EPHA4: variants seen among roughly 807,000 people sequenced by gnomAD.
EPHA4 encodes the protein EPH receptor A4.
EPHA4 carries 19 observed loss-of-function variants against 108.3 expected under a neutral mutation model. The ratio of observed to expected loss-of-function variants is 0.18; its 90% CI spans 0.12 to 0.26. The LOEUF is 0.26. Among genes scored for constraint, EPHA4 ranks in the 10% least tolerant of loss-of-function variants. EPHA4 has a pLI of 1.00. For synonymous variants in EPHA4, 449 were observed against 455.5 expected, an observed-to-expected ratio of 0.99 and a Z score of 0.18; for missense variants, 917 against 1,254.0, an observed-to-expected ratio of 0.73 and a Z score of 4.06.
chr2:221,496,642 T>G (rs1456496474), intron 4 of EPHA4, among the ~76,000 whole-genome samples: 1 of 152,224 alleles, frequency 6.6e-6, no homozygotes, highest in Non-Finnish European at 1.5e-5. Flanking sequence ...GTGTGGTGGC[T>G]CATGCCTGTA....
chr2:221,489,761 A>T (rs775449450), intron 4 of EPHA4, among the ~76,000 whole-genome samples: 3 of 152,196 alleles, frequency 2.0e-5, no homozygotes, highest in Non-Finnish European at 4.4e-5. Context: ...GACATCTGGT[A>T]GAAACTCAAT....
At chr2:221,574,130 G>C (rs1420705167), upstream of EPHA4, 1 of 152,156 alleles carries the variant, frequency 6.6e-6, no homozygotes, top group Non-Finnish European at 1.5e-5. Context: ...GAGCTGCGCT[G>C]GTTTCTCATG....
At chr2:221,480,199 AGT>A (rs1225770138) in intron 5 of EPHA4, among the ~76,000 whole-genome samples, 1 of 152,104 alleles carries the variant, frequency 6.6e-6, no homozygotes, top group African/African-American at 2.4e-5. Context: ...GGGTCATAGA[AGT>A]CTCCCCCAAA....
chr2:221,570,264 C>T (rs1694786710), intron 1 of EPHA4, among the ~76,000 whole-genome samples: 1 of 151,740 alleles, frequency 6.6e-6, no homozygotes, highest in Non-Finnish European at 1.5e-5. Flanking sequence ...TCCCCTTCAA[C>T]ATTAGCCTAG....
Position 221,479,377 on chromosome 2 carries a change from C to A in EPHA4, c.1318+2975G>T, listed in dbSNP as rs114145356. Among the ~76,000 whole-genome samples, 396 of 152,298 alleles carry A rather than the reference C, an allele frequency of 2.6e-3. 3 individuals are homozygous for A. The highest frequency in any genetic ancestry group is 9.2e-3 in the African/African-American group (384 of 41,570). ...GTTTTGCGTGATTGATTTGATTTATCATTTCTAACATATTACTGATGAGAG... is the reference window on the plus strand; with the variant it reads ...GTTTTGCGTGATTGATTTGATTTATAATTTCTAACATATTACTGATGAGAG... On this transcript the variant is annotated intron_variant, in intron 5 of 17. Transcript: ENST00000281821.
intron 3 of EPHA4, among the ~76,000 whole-genome samples, chr2:221,562,397 C>T (rs530321663): frequency 1.3e-5 from 2 of 152,202 alleles, no homozygotes; most frequent in South Asian, 4.1e-4. Context: ...CACCAAATCA[C>T]CAAAAAATGC....
At chr2:221,513,952 G>A (rs751216732) in intron 3 of EPHA4, among the ~76,000 whole-genome samples, 4 of 152,170 alleles carry the variant, frequency 2.6e-5, no homozygotes, top group Non-Finnish European at 5.9e-5. Flanking sequence ...ACAGTACAGA[G>A]AAGTCCCAGG....
intron 3 of EPHA4, among the ~76,000 whole-genome samples, chr2:221,520,454 A>G (rs1693127756): frequency 6.6e-6 from 1 of 151,418 alleles, no homozygotes; most frequent in Admixed American, 6.6e-5. Context: ...TATTTACTTT[A>G]TTATCCAGTA....
intron 13 of EPHA4, among the ~76,000 whole-genome samples, chr2:221,436,138 C>A (rs1293473269): frequency 6.6e-6 from 1 of 151,666 alleles, no homozygotes; most frequent in African/African-American, 2.4e-5. Context: ...CCCCTGCCCT[C>A]CCAAAAAAAA....
At chr2:221,440,277 C>T (rs942259597) in intron 11 of EPHA4, among the ~76,000 whole-genome samples, 1 of 152,152 alleles carries the variant, frequency 6.6e-6, no homozygotes. Flanking sequence ...GTAATAGCTA[C>T]GTGTTTTAGA....
chr2:221,489,631 C>A (rs1023683925), intron 4 of EPHA4, among the ~76,000 whole-genome samples: 2 of 152,138 alleles, frequency 1.3e-5, no homozygotes, highest in Non-Finnish European at 2.9e-5. Flanking sequence ...CTTAGGAGAA[C>A]CTTCAATTAT....
intron 2 of EPHA4, among the ~76,000 whole-genome samples, chr2:221,566,848 G>A (rs1025770078): frequency 4.8e-4 from 19 of 39,516 alleles, no homozygotes; most frequent in East Asian, 2.1e-3. Flanking sequence ...GAAGGAGAAG[G>A]AGAAGGAGAA....
At chr2:221,490,478 A>G (rs952831669) in intron 4 of EPHA4, among the ~76,000 whole-genome samples, 3 of 151,858 alleles carry the variant, frequency 2.0e-5, no homozygotes, top group Non-Finnish European at 2.9e-5. Context: ...CCCCAAGAGC[A>G]TGGGCAGAAA....
intron 5 of EPHA4, among the ~76,000 whole-genome samples, chr2:221,477,044 A>ATTT (rs952086028): frequency 8.4e-6 from 1 of 119,202 alleles, no homozygotes; most frequent in African/African-American, 3.0e-5. Flanking sequence ...ATGCCACTTT[A>ATTT]TTTTATTATT....
chr2:221,426,349 A>G, intron 16 of EPHA4, 115 bp downstream of exon 16: 1 of 1,266,184 alleles, frequency 7.9e-7, no homozygotes. Flanking sequence ...AATCAAAATG[A>G]GAGGCATTCC....
At chr2:221,552,301 A>G (rs1694184769) in intron 3 of EPHA4, among the ~76,000 whole-genome samples, 1 of 152,172 alleles carries the variant, frequency 6.6e-6, no homozygotes, top group Admixed American at 6.5e-5. Context: ...GTCACCCAAC[A>G]CTTTTCTTCT....
chr2:221,488,698 C>T (rs184183823), intron 4 of EPHA4, among the ~76,000 whole-genome samples: 171 of 152,204 alleles, frequency 1.1e-3, no homozygotes, highest in Non-Finnish European at 1.7e-3. Context: ...AAAGGGCTAT[C>T]ATATCATATT....
At chr2:221,474,862 C>A (rs2106134194) in intron 5 of EPHA4, among the ~76,000 whole-genome samples, 1 of 152,150 alleles carries the variant, frequency 6.6e-6, no homozygotes, top group South Asian at 2.1e-4. Flanking sequence ...GGCACAGGAG[C>A]AGAGCATAGA....
intron 3 of EPHA4, among the ~76,000 whole-genome samples, chr2:221,509,173 A>G (rs1444933397): frequency 2.0e-5 from 3 of 152,178 alleles, no homozygotes; most frequent in Non-Finnish European, 4.4e-5. Context: ...TACTAAAAAT[A>G]CAAAATTAGC....
Sources: allele counts gnomAD v4.1 joint callset (sites outside exome capture counted in the v4.1 genomes callset), GRCh38; gene constraint gnomAD v4.1.1; transcripts MANE v1.5; gene names NCBI Gene and HGNC (gene_info 2026-07-23, HGNC 2026-07-21).